AMPH: variants seen among roughly 807,000 people sequenced by gnomAD.
AMPH encodes the protein amphiphysin, also known as amphiphysin (Stiff-Mann syndrome with breast cancer 128kD autoantigen).
Under a neutral mutation model 99.1 loss-of-function variants are expected in AMPH, and 49 were observed. The observed-to-expected ratio is 0.49, with a 90% CI of 0.39 to 0.63. The LOEUF (loss-of-function observed/expected upper bound fraction) is 0.63, where lower values mean the gene tolerates loss of function less well. AMPH is among the 20% of genes least tolerant of loss of function. The pLI is 0.00. For synonymous variants in AMPH, 314 were observed against 317.3 expected (o/e 0.99, Z 0.11); for missense variants, 759 against 863.4 (o/e 0.88, Z 1.52).
chr7:38,407,074 ATATGTG>A (rs1400157676), intron 17 of AMPH, among the ~76,000 whole-genome samples: 19 of 32,270 alleles, frequency 5.9e-4, no homozygotes, highest in African/African-American at 7.2e-4. Context: ...ATATATATAT[ATATGTG>A]TGTGTGTGTG....
chr7:38,511,341 A>G (rs551761333), intron 2 of AMPH, among the ~76,000 whole-genome samples: 1 of 152,294 alleles, frequency 6.6e-6, no homozygotes, highest in Non-Finnish European at 1.5e-5. Context: ...CTCCCAAAAC[A>G]AGCTACTTGG....
intron 1 of AMPH, among the ~76,000 whole-genome samples, chr7:38,544,250 G>A (rs888809161): frequency 2.6e-5 from 4 of 152,158 alleles, no homozygotes; most frequent in Non-Finnish European, 4.4e-5. Flanking sequence ...AATACCCTAG[G>A]AGAGGAAGCA....
intron 2 of AMPH, among the ~76,000 whole-genome samples, chr7:38,513,233 C>A (rs1029589234): frequency 1.3e-5 from 2 of 152,188 alleles, no homozygotes; most frequent in Non-Finnish European, 2.9e-5. Context: ...TCAGTGGCCA[C>A]ATTCTCTTGT....
At chr7:38,441,806 A>ATGATAGATC (rs1267958196) in intron 11 of AMPH, among the ~76,000 whole-genome samples, 1 of 87,362 alleles carries the variant, frequency 1.1e-5, no homozygotes, top group African/African-American at 4.3e-5. Context: ...TATCATATAT[A>ATGATAGATC]TATCATATAT....
intron 1 of AMPH, among the ~76,000 whole-genome samples, chr7:38,594,733 A>T (rs1792988967): frequency 6.9e-6 from 1 of 145,250 alleles, no homozygotes; most frequent in South Asian, 2.1e-4. Flanking sequence ...TGTATAGTTT[A>T]AAAAAAAACT....
At chr7:38,571,281 T>TATATATTTATATATATAA (rs1562835247) in intron 1 of AMPH, among the ~76,000 whole-genome samples, 7 of 44,084 alleles carry the variant, frequency 1.6e-4, no homozygotes, top group African/African-American at 2.6e-4. Flanking sequence ...ATATATATTT[T>TATATATTTATATATATAA]TATATATATT....
chr7:38,607,201 G>A (rs1034237297), intron 1 of AMPH, among the ~76,000 whole-genome samples: 9 of 152,120 alleles, frequency 5.9e-5, no homozygotes, highest in African/African-American at 2.2e-4. Context: ...CACATTCAGA[G>A]AAATGCCCTA....
chr7:38,573,960 T>C (rs2129053236), intron 1 of AMPH, among the ~76,000 whole-genome samples: 1 of 151,772 alleles, frequency 6.6e-6, no homozygotes, highest in Non-Finnish European at 1.5e-5. Context: ...AGAGGTGAAG[T>C]AACTTGACCA....
intron 1 of AMPH, among the ~76,000 whole-genome samples, chr7:38,620,290 CCCCA>C (rs1286263698): frequency 6.6e-6 from 1 of 151,498 alleles, no homozygotes; most frequent in Non-Finnish European, 1.5e-5. Flanking sequence ...TCCCTCTCTG[CCCCA>C]CCCCCGTGTA....
chr7:38,460,701 G>C (rs1331233728), intron 11 of AMPH, among the ~76,000 whole-genome samples: 1 of 152,184 alleles, frequency 6.6e-6, no homozygotes, highest in East Asian at 1.9e-4. Context: ...GGCTGAGAAG[G>C]ATGTGTGGGT....
chr7:38,625,144 T>C (rs1794201054), intron 1 of AMPH, among the ~76,000 whole-genome samples: 1 of 152,028 alleles, frequency 6.6e-6, no homozygotes, highest in African/African-American at 2.4e-5. Flanking sequence ...TACTTGAGAT[T>C]TCAGGTCCAT....
chr7:38,555,520 C>A (rs1183704973), intron 1 of AMPH, among the ~76,000 whole-genome samples: 1 of 152,174 alleles, frequency 6.6e-6, no homozygotes, highest in Admixed American at 6.5e-5. Flanking sequence ...AAAATCTCCT[C>A]TGGAGGAATT....
At chr7:38,606,590 T>C (rs1321701146) in intron 1 of AMPH, among the ~76,000 whole-genome samples, 1 of 33,808 alleles carries the variant, frequency 3.0e-5, no homozygotes, top group East Asian at 5.7e-4. Flanking sequence ...TTTTTTTTTG[T>C]GAGACAGGGT....
rs370973393 is a variant in AMPH at position 38,483,859 on chromosome 7, G to A, written c.397-6890C>T. The stretch of plus-strand genomic sequence containing the variant: ...TGATGTGCCTGACAGAGAATTCAAA[G>A]TAACTGTCACTCAGATCAGGAAAAT... On this transcript the variant is annotated intron_variant, in intron 5 of 20. Coordinates refer to ENST00000356264, the MANE Select transcript of AMPH (RefSeq NM_001635.4). 8.5e-5 allele frequency among the ~76,000 whole-genome samples: 13 copies of A among 152,190 alleles called. No homozygotes were observed. The South Asian group carries it at 1.2e-3, about 15-fold the overall frequency.
intron 1 of AMPH, among the ~76,000 whole-genome samples, chr7:38,587,857 G>A (rs1024970204): frequency 1.3e-5 from 2 of 151,998 alleles, no homozygotes; most frequent in East Asian, 3.8e-4. Context: ...ATAATCGTGG[G>A]TGATCAGCTA....
chr7:38,519,012 G>A (rs756979199), intron 2 of AMPH, among the ~76,000 whole-genome samples: 4 of 152,190 alleles, frequency 2.6e-5, no homozygotes, highest in Non-Finnish European at 5.9e-5. Context: ...TCATGGCAGC[G>A]AGCTAGTTAT....
At chr7:38,514,773 T>C (rs1789674338) in intron 2 of AMPH, among the ~76,000 whole-genome samples, 3 of 152,190 alleles carry the variant, frequency 2.0e-5, no homozygotes, top group Admixed American at 2.0e-4. Context: ...CTGTGAGAAA[T>C]AAATTTTTCT....
intron 1 of AMPH, among the ~76,000 whole-genome samples, chr7:38,554,085 T>A (rs1390259099): frequency 6.6e-6 from 1 of 152,182 alleles, no homozygotes; most frequent in African/African-American, 2.4e-5. Flanking sequence ...CCAATTCCCC[T>A]GCCTGGCTGG....
intron 2 of AMPH, among the ~76,000 whole-genome samples, chr7:38,533,033 A>G (rs1434140999): frequency 6.6e-6 from 1 of 152,220 alleles, no homozygotes; most frequent in Non-Finnish European, 1.5e-5. Context: ...TAGAGCAGAC[A>G]TTTGGGATTG....
Sources: allele counts gnomAD v4.1 joint callset (sites outside exome capture counted in the v4.1 genomes callset), GRCh38; gene constraint gnomAD v4.1.1; transcripts MANE v1.5; gene names NCBI Gene and HGNC (gene_info 2026-07-23, HGNC 2026-07-21).